MELK: variants seen among roughly 807,000 people sequenced by gnomAD.
MELK encodes maternal embryonic leucine zipper kinase, also known as pEg3 kinase.
A neutral mutation model predicts 85.0 loss-of-function variants in MELK; 81 were observed. The ratio of observed to expected loss-of-function variants is 0.95; its 90% CI spans 0.80 to 1.15. MELK has a LOEUF of 1.15. Ranked by LOEUF, MELK falls within the 50% of genes most tolerant of loss-of-function variation. MELK has a pLI of 0.00. For synonymous variants in MELK, 252 were observed against 265.0 expected (o/e 0.95, Z 0.48); for missense variants, 754 against 777.5 (o/e 0.97, Z 0.36).
chr9:36,583,860 A>T (rs1822529829), intron 3 of MELK, 148 bp downstream of exon 3: 2 of 581,294 alleles, frequency 3.4e-6, no homozygotes, highest in African/African-American at 1.9e-5. Context: ...TTTAAAAAGT[A>T]ATCTGGGGGA....
At chr9:36,605,954 A>G in intron 7 of MELK, among the ~76,000 whole-genome samples, 1 of 136,124 alleles carries the variant, frequency 7.3e-6, no homozygotes, top group East Asian at 2.2e-4. Context: ...CCCTGTCTCT[A>G]AAAAAAAAAA....
intron 13 of MELK, among the ~76,000 whole-genome samples, chr9:36,661,034 G>C (rs1450660354): frequency 6.6e-6 from 1 of 152,104 alleles, no homozygotes; most frequent in Non-Finnish European, 1.5e-5. Context: ...AGCTTTCATA[G>C]TAGGGTCTTC....
chr9:36,642,661 T>G (rs1196281487), intron 10 of MELK, among the ~76,000 whole-genome samples: 1 of 152,008 alleles, frequency 6.6e-6, no homozygotes, highest in Admixed American at 6.5e-5. Flanking sequence ...ACTCCTGACC[T>G]CAGGTGATCT....
At position 36,583,627 on chromosome 9, in the gene MELK, G is replaced by T. The variant is rs776843063; in HGVS notation, c.59G>T (p.Gly20Val). Residue 20 changes from glycine (G) to valine (V), a missense_variant and splice_region_variant, in exon 3 of 18, where the codon GGT becomes GTT. Physicochemically the swap from Gly to Val is moderately radical, Grantham distance 109. Transcript: ENST00000298048. ...YYELHETIGT[G>V]GFAKVKLACH... ...TTTCATAATACATTTTCCTACTTAG[G>T]TGGCTTTGCAAAGGTCAAACTTGCC... 1.6e-5 allele frequency: 25 copies of T among 1,602,398 alleles called. No individual in the cohort carries two copies. The African/African-American group carries it at 3.3e-4, about 21-fold the overall frequency.
chr9:36,634,166 C>G (rs2136601631), intron 10 of MELK, among the ~76,000 whole-genome samples: 1 of 152,290 alleles, frequency 6.6e-6, no homozygotes, highest in Admixed American at 6.5e-5. Flanking sequence ...TCCTTAAAAT[C>G]ACTACTGATC....
chr9:36,654,349 CTTTTTTT>C (rs34436735), intron 12 of MELK, among the ~76,000 whole-genome samples: 6 of 84,126 alleles, frequency 7.1e-5, no homozygotes, highest in Admixed American at 5.4e-4. Context: ...ATTGGATTGT[CTTTTTTT>C]TTTTTTTTTT....
chr9:36,622,092 C>T (rs1827505250), intron 8 of MELK, among the ~76,000 whole-genome samples: 1 of 152,108 alleles, frequency 6.6e-6, no homozygotes, highest in Non-Finnish European at 1.5e-5. Flanking sequence ...TTTACTAATA[C>T]TTGTATATTC....
intron 7 of MELK, among the ~76,000 whole-genome samples, chr9:36,602,487 C>CAA (rs765623860): frequency 0.17 from 6,830 of 40,882 alleles, 741 homozygotes; most frequent in African/African-American, 0.27. Context: ...AAGACTGTCT[C>CAA]AAAAAAAAAA....
At chr9:36,578,359 C>T (rs1587298889) in intron 1 of MELK, among the ~76,000 whole-genome samples, 2 of 152,084 alleles carry the variant, frequency 1.3e-5, no homozygotes, top group East Asian at 1.9e-4. Context: ...CTTTTACTTC[C>T]TCTAGGATCT....
intron 13 of MELK, 128 bp from the exon 14 acceptor site, chr9:36,665,222 A>C: frequency 1.6e-6 from 1 of 629,786 alleles, no homozygotes; most frequent in Non-Finnish European, 2.8e-6. Flanking sequence ...CCTAATGTCA[A>C]TAATATCCTT....
chr9:36,672,170 T>TG (rs1341155538), intron 16 of MELK, among the ~76,000 whole-genome samples: 2 of 152,156 alleles, frequency 1.3e-5, no homozygotes, highest in Non-Finnish European at 2.9e-5. Context: ...TGTCTTAAAG[T>TG]GGAAGAAGAT....
chr9:36,623,663 G>A (rs1475864641), intron 8 of MELK, among the ~76,000 whole-genome samples: 1 of 152,194 alleles, frequency 6.6e-6, no homozygotes, highest in African/African-American at 2.4e-5. Context: ...GTGCTCCATT[G>A]GGAAGGCCTA....
At chr9:36,587,939 T>G (rs747511807) in intron 3 of MELK, among the ~76,000 whole-genome samples, 7 of 151,224 alleles carry the variant, frequency 4.6e-5, no homozygotes, top group Non-Finnish European at 8.8e-5. Flanking sequence ...TTTTTTCGTG[T>G]GTGTTTTTAT....
chr9:36,635,260 A>T (rs1302851013), intron 10 of MELK, among the ~76,000 whole-genome samples: 5 of 149,476 alleles, frequency 3.3e-5, no homozygotes, highest in Admixed American at 6.6e-5. Context: ...TTATTTATTT[A>T]ATTTTAATTT....
intron 3 of MELK, among the ~76,000 whole-genome samples, chr9:36,584,509 T>TC (rs1743505038): frequency 6.8e-6 from 1 of 146,048 alleles, no homozygotes; most frequent in Admixed American, 6.9e-5. Flanking sequence ...TTTTTTTTTT[T>TC]TTTTTAGTAG....
chr9:36,647,128 C>CT (rs1221152724), intron 11 of MELK, among the ~76,000 whole-genome samples: 2 of 152,176 alleles, frequency 1.3e-5, no homozygotes, highest in Admixed American at 6.5e-5. Context: ...GAAAAAGATG[C>CT]TTTTTTTGCC....
chr9:36,649,167 G>C (rs1311086378), intron 11 of MELK, among the ~76,000 whole-genome samples: 1 of 152,148 alleles, frequency 6.6e-6, no homozygotes, highest in African/African-American at 2.4e-5. Flanking sequence ...GTTTGAAAAT[G>C]AAATTCATTT....
chr9:36,592,163 ATTTC>A (rs1823672023), intron 4 of MELK, among the ~76,000 whole-genome samples: 1 of 136,372 alleles, frequency 7.3e-6, no homozygotes, highest in South Asian at 2.3e-4. Flanking sequence ...TAGTCATCAC[ATTTC>A]TTTTCTTTTT....
At chr9:36,616,812 C>A (rs949092278) in intron 8 of MELK, among the ~76,000 whole-genome samples, 2 of 147,552 alleles carry the variant, frequency 1.4e-5, no homozygotes, top group African/African-American at 5.2e-5. Context: ...CTTTCTGCTA[C>A]CCCCTTCCCA....
Sources: allele counts gnomAD v4.1 joint callset (sites outside exome capture counted in the v4.1 genomes callset), GRCh38; gene constraint gnomAD v4.1.1; transcripts MANE v1.5; gene names NCBI Gene and HGNC (gene_info 2026-07-23, HGNC 2026-07-21).